Variants in C16orf96 observed in about 807,000 individuals in gnomAD.
C16orf96 encodes chromosome 16 open reading frame 96, also known as uncharacterized protein C16orf96.
A neutral mutation model predicts 103.6 loss-of-function variants in C16orf96; 108 were observed. The ratio of observed to expected loss-of-function variants is 1.04; its 90% confidence interval spans 0.89 to 1.22. The LOEUF (loss-of-function observed/expected upper bound fraction) is 1.22, where lower values mean the gene tolerates loss of function less well. C16orf96 is among the 50% of genes most tolerant of loss of function. The pLI is 0.00. For synonymous variants in C16orf96, 566 were observed against 593.5 expected (o/e 0.95, Z 0.67); for missense variants, 1,586 against 1,464.2 (o/e 1.08, Z -1.36).
At chr16:4,563,803 A>C (rs1038074586) in intron 1 of C16orf96, among the ~76,000 whole-genome samples, 1 of 148,872 alleles carries the variant, frequency 6.7e-6, no homozygotes, top group African/African-American at 2.5e-5. Flanking sequence ...TCCCGAGCTC[A>C]GGTGATCCAC....
Position 4,588,299 on chromosome 16 carries a change from A to G in C16orf96, c.2560A>G (p.Met854Val), listed in dbSNP as rs1896976802. The change falls in exon 9 of 16, where the codon ATG (methionine) becomes GTG (valine). Residue 854 changes from methionine to valine, a missense_variant. Coordinates refer to ENST00000444310, the MANE Select transcript of C16orf96 (RefSeq NM_001145011.2). ...CCATGAGGACAGCTGGAAGAAGGCT[A>G]TGGAGGAGCTCAGCAAGGACGTGAA... ...TIHEDSWKKA[M>V]EELSKDVNTK... 2 of 1,551,572 alleles carry G rather than the reference A, an allele frequency of 1.3e-6. No individual in the cohort carries two copies. The highest frequency in any genetic ancestry group is 1.2e-5 in the South Asian group (1 of 84,060).
At chr16:4,584,764 C>T (rs1896878997) in intron 7 of C16orf96, among the ~76,000 whole-genome samples, 1 of 152,030 alleles carries the variant, frequency 6.6e-6, no homozygotes, top group South Asian at 2.1e-4. Flanking sequence ...GAACTCCTGA[C>T]CTCAGGTGAT....
chr16:4,597,387 C>T lies in C16orf96; in HGVS notation c.3128-1897C>T, dbSNP rs539432654. ...AGCTGAGTGAGGGCTGCTTGCCGGG[C>T]GGCCAGGGCAGATGGAGTCCACATC... On this transcript the variant is annotated intron_variant, in intron 14 of 15. Transcript: ENST00000444310. Among the ~76,000 whole-genome samples the T allele has an allele frequency of 5.1e-4, 78 of 152,174 alleles. 1 individual carries two copies. The highest frequency in any genetic ancestry group is 1.8e-3 in the African/African-American group (76 of 41,440).
intron 7 of C16orf96, among the ~76,000 whole-genome samples, chr16:4,580,979 C>G (rs1482496656): frequency 6.6e-6 from 1 of 151,520 alleles, no homozygotes; most frequent in East Asian, 1.9e-4. Flanking sequence ...ACAAAATTAG[C>G]TGGGCGTGGT....
In C16orf96 at chr16:4,592,377, A is replaced by T; in HGVS notation, c.2774+10A>T. ...AGATGATGACTGGCCCGTGAGTACC[A>T]CCGCCCAGGGTGCCCCGGCCCTAAG... On this transcript the variant is annotated intron_variant, in intron 11 of 15. Coordinates refer to ENST00000444310, the MANE Select transcript of C16orf96 (RefSeq NM_001145011.2). 1 of 1,551,376 alleles carries T rather than the reference A, an allele frequency of 6.4e-7. No individual in the cohort carries two copies. Among genetic ancestry groups the T allele is most frequent in the Non-Finnish European group, 8.7e-7 (1 of 1,146,946 alleles).
intron 14 of C16orf96, among the ~76,000 whole-genome samples, chr16:4,597,495 C>T (rs1897198196): frequency 1.3e-5 from 2 of 152,124 alleles, no homozygotes; most frequent in South Asian, 4.1e-4. Flanking sequence ...CCCCTTGGCT[C>T]ATTCATTCCC....
chr16:4,561,589 G>T (rs1452398657), intron 1 of C16orf96: 1 of 152,264 alleles, frequency 6.6e-6, no homozygotes, highest in Non-Finnish European at 1.5e-5. Context: ...CACAAAAGGG[G>T]CTCGTGGACA....
In C16orf96 at chr16:4,575,399, G is replaced by A. The variant is rs1462318517; in HGVS notation, c.919G>A (p.Ala307Thr). The A allele has an allele frequency of 1.3e-6, 2 of 1,550,498 alleles. No individual in the cohort carries two copies. The highest frequency in any genetic ancestry group is 1.4e-5 in the African/African-American group (1 of 73,064). ...AVSLSRAQEP[A>T]QPPALTPESA... ...TTCACTCAGCAGAGCCCAGGAGCCAGCGCAGCCTCCGGCCCTCACGCCTGA... is the reference window on the plus strand; with the variant it reads ...TTCACTCAGCAGAGCCCAGGAGCCAACGCAGCCTCCGGCCCTCACGCCTGA... The change falls in exon 5 of 16, where the codon GCG (alanine) becomes ACG (threonine). Residue 307 changes from alanine to threonine, a missense_variant. Ala to Thr is a moderately conservative substitution (Grantham distance 58, BLOSUM62 0). Transcript: ENST00000444310.
In C16orf96 at chr16:4,597,291, C is replaced by T. The variant is rs73515063; in HGVS notation, c.3128-1993C>T. Among the ~76,000 whole-genome samples the T allele has an allele frequency of 7.3e-3, 1,112 of 152,232 alleles. 7 individuals carry two copies. The highest frequency in any genetic ancestry group is 0.011 in the African/African-American group (450 of 41,548). Reference sequence around the variant, plus strand: ...ACGGTGGCTAATATTTAATGAACCCCGACTTCGTGCCAGGCCCTGCCCCAC... The same window carrying T: ...ACGGTGGCTAATATTTAATGAACCCTGACTTCGTGCCAGGCCCTGCCCCAC... On this transcript the variant is annotated intron_variant, in intron 14 of 15. Coordinates refer to ENST00000444310, the MANE Select transcript of C16orf96 (RefSeq NM_001145011.2).
At position 4,575,047 on chromosome 16, in the gene C16orf96, A is replaced by G. The variant is rs1451373724; in HGVS notation, c.682A>G (p.Met228Val). The part of the protein sequence containing the change: ...MVLWSGLHDA[M>V]FTSEIGSSPL... ...GCTCTGGAGTGGCCTTCATGATGCCATGTTCACCTCAGTGAGTGAGGAAGG... is the reference window on the plus strand; with the variant it reads ...GCTCTGGAGTGGCCTTCATGATGCCGTGTTCACCTCAGTGAGTGAGGAAGG... The change falls in exon 4 of 16, where the codon ATG becomes GTG. Residue 228 changes from methionine (M) to valine (V), a missense_variant. By Grantham distance (21) the Met-to-Val change is conservative. Coordinates refer to ENST00000444310, the MANE Select transcript of C16orf96 (RefSeq NM_001145011.2). 2.6e-6 allele frequency: 4 copies of G among 1,551,474 alleles called. No homozygotes were observed. The highest frequency in any genetic ancestry group is 3.5e-6 in the Non-Finnish European group (4 of 1,146,994).
chr16:4,548,232 T>C, the C16orf96 span, among the ~76,000 whole-genome samples: 1 of 152,182 alleles, frequency 6.6e-6, no homozygotes, highest in Non-Finnish European at 1.5e-5. Flanking sequence ...ACGGCTGTCC[T>C]GAATGGCATT....
chr16:4,541,492 T>G, the C16orf96 span, among the ~76,000 whole-genome samples: 1 of 152,218 alleles, frequency 6.6e-6, no homozygotes, highest in Non-Finnish European at 1.5e-5. Context: ...GAGGATCCCT[T>G]CAGCCCAGCA....
At chr16:4,582,381 G>C (rs1189266977) in intron 7 of C16orf96, among the ~76,000 whole-genome samples, 2 of 152,094 alleles carry the variant, frequency 1.3e-5, no homozygotes, top group African/African-American at 4.8e-5. Context: ...GCTGTTGCTG[G>C]GATGCACTGG....
upstream of C16orf96, among the ~76,000 whole-genome samples, chr16:4,555,262 C>T (rs2059251597): frequency 1.0e-5 from 1 of 100,226 alleles, no homozygotes; most frequent in South Asian, 5.1e-4. Context: ...GACTTTGTCA[C>T]ACACACTACA....
chr16:4,551,008 C>T, the C16orf96 span, among the ~76,000 whole-genome samples: 1 of 152,294 alleles, frequency 6.6e-6, no homozygotes, highest in Non-Finnish European at 1.5e-5. Flanking sequence ...CGCGGTGGCT[C>T]ACGCCTATAA....
chr16:4,578,832 C>T, intron 5 of C16orf96, 108 bp from the exon 6 acceptor site: 1 of 666,862 alleles, frequency 1.5e-6, no homozygotes, highest in Non-Finnish European at 2.6e-6. Context: ...AGTGCATTTC[C>T]ACTGGGCAGT....
chr16:4,586,184 C>T (rs957004919), intron 7 of C16orf96, among the ~76,000 whole-genome samples: 15 of 152,116 alleles, frequency 9.9e-5, no homozygotes, highest in Non-Finnish European at 1.8e-4. Context: ...CTCTTGAACC[C>T]GGGAGGCGGA....
At chr16:4,558,084 ATC>A (rs1567436390) in intron 1 of C16orf96, among the ~76,000 whole-genome samples, 1 of 152,220 alleles carries the variant, frequency 6.6e-6, no homozygotes, top group African/African-American at 2.4e-5. Context: ...GTGAGTGAGA[ATC>A]TCCAAGAACC....
At position 4,588,448 on chromosome 16, in the gene C16orf96, C is replaced by G. The variant is rs1436375667; in HGVS notation, c.2592+117C>G. The G allele has an allele frequency of 1.1e-5, 13 of 1,201,342 alleles. No individual in the cohort carries two copies. In the Admixed American group the frequency reaches 3.3e-4, roughly 30 times the overall value. 74.4% of individuals were successfully genotyped at this position (1,201,342 alleles called of 1,614,324 possible). On this transcript the variant is annotated intron_variant, in intron 9 of 15. Transcript: ENST00000444310. Reference sequence around the variant, plus strand: ...GAGCAAGAATTTGGGAGTGACCCAGCAACTTAGCTGGGTGGCTCAGGGTTT... The same window carrying G: ...GAGCAAGAATTTGGGAGTGACCCAGGAACTTAGCTGGGTGGCTCAGGGTTT...
Sources: allele counts gnomAD v4.1 joint callset (sites outside exome capture counted in the v4.1 genomes callset), GRCh38; gene constraint gnomAD v4.1.1; transcripts MANE v1.5; gene names NCBI Gene and HGNC (gene_info 2026-07-23, HGNC 2026-07-21).